SENP1: variants seen among roughly 807,000 people sequenced by gnomAD.
The protein encoded by SENP1 is SUMO specific peptidase 1.
SENP1 carries 21 observed loss-of-function variants against 93.0 expected under a neutral mutation model. The ratio of observed to expected loss-of-function variants is 0.23; its 90% CI spans 0.16 to 0.33. The LOEUF (loss-of-function observed/expected upper bound fraction) is 0.33, where lower values mean the gene tolerates loss of function less well. SENP1 is among the 10% of genes least tolerant of loss of function. The pLI, the probability that SENP1 is intolerant of heterozygous loss-of-function variation, is 1.00. For synonymous variants in SENP1, 256 were observed against 259.6 expected, an observed-to-expected ratio of 0.99 and a Z score of 0.13; for missense variants, 591 against 758.7, an observed-to-expected ratio of 0.78 and a Z score of 2.60.
chr12:48,077,925 G>A (rs886275011), intron 6 of SENP1, among the ~76,000 whole-genome samples: 4 of 151,996 alleles, frequency 2.6e-5, no homozygotes, highest in Admixed American at 1.3e-4. Context: ...AGGGATTTAT[G>A]TGGTCATATG....
chr12:48,071,776 T>C lies in SENP1; in HGVS notation c.941-55A>G. The C allele has an allele frequency of 4.2e-6, 5 of 1,179,206 alleles. No individual in the cohort carries two copies. The South Asian group carries it at 6.9e-5, about 16-fold the overall frequency. 73.0% of individuals were successfully genotyped at this position (1,179,206 alleles called of 1,614,324 possible). A position where few individuals can be genotyped will look rare whatever the true frequency, so the allele number is the denominator to read the frequency against. On this transcript the variant is annotated intron_variant, in intron 8 of 17. Coordinates refer to ENST00000549518, the MANE Select transcript of SENP1 (RefSeq NM_001267594.2). The stretch of plus-strand genomic sequence containing the variant: ...AATAAAACTCCACAAAGTTATACTT[T>C]CTAGATATCTTAGTTTAAGTTCCCA...
chr12:48,083,630 G>C lies in SENP1; in HGVS notation c.513C>G (p.Pro171=), dbSNP rs1465918417. ...SGSCRRSLLS[P]KKTQRRHVST... Reference sequence around the variant, plus strand: ...TAACATGTCGCCTCTGAGTTTTCTTGGGGCTCAAAAGACTTCGACGACATG... The same window carrying C: ...TAACATGTCGCCTCTGAGTTTTCTTCGGGCTCAAAAGACTTCGACGACATG... Residue 171 remains proline, a synonymous_variant, in exon 6 of 18, where the codon CCC becomes CCG. Transcript: ENST00000549518. 1 of 1,613,674 alleles carries C rather than the reference G, an allele frequency of 6.2e-7. No homozygotes were observed. The highest frequency in any genetic ancestry group is 1.1e-5 in the South Asian group (1 of 90,998).
chr12:48,063,517 AC>A, intron 13 of SENP1, 192 bp downstream of exon 13: 1 of 486,728 alleles, frequency 2.1e-6, no homozygotes, highest in Non-Finnish European at 3.6e-6. Flanking sequence ...ACTTTAAAAT[AC>A]ACCTGAGATG....
intron 5 of SENP1, among the ~76,000 whole-genome samples, chr12:48,084,511 C>T (rs553919950): frequency 1.5e-4 from 22 of 142,456 alleles, no homozygotes; most frequent in African/African-American, 5.6e-4. Context: ...GGCAGTGGCA[C>T]GACCTTGGCT....
In SENP1 at chr12:48,095,535, C is replaced by CAAA. The variant is rs3054235; in HGVS notation, c.220+805_220+807dup. On this transcript the variant is annotated intron_variant, in intron 4 of 17. Coordinates refer to ENST00000549518, the MANE Select transcript of SENP1 (RefSeq NM_001267594.2). ...TGGGCAACACAGGGAGACTCTGTGT[C>CAAA]AAAAAAAAAAAAAAAAAAAAAAATT... 2.9e-3 allele frequency among the ~76,000 whole-genome samples: 249 copies of CAAA among 85,746 alleles called. 4 individuals are homozygous for CAAA. Among genetic ancestry groups the CAAA allele is most frequent in the East Asian group, 8.4e-3 (28 of 3,338 alleles). 56.3% of individuals were successfully genotyped at this position (85,746 alleles called of 152,430 possible). A position where few individuals can be genotyped will look rare whatever the true frequency, so the allele number is the denominator to read the frequency against.
chr12:48,076,348 C>T (rs1424876480), intron 6 of SENP1, among the ~76,000 whole-genome samples: 1 of 152,048 alleles, frequency 6.6e-6, no homozygotes, highest in Non-Finnish European at 1.5e-5. Flanking sequence ...CCAGGATAGT[C>T]TCGATCTCCT....
chr12:48,069,152 C>CAAAAAAAAAAAAAAAAA (rs10564674), intron 9 of SENP1, among the ~76,000 whole-genome samples: 3 of 76,338 alleles, frequency 3.9e-5, no homozygotes, highest in Admixed American at 2.1e-4. Flanking sequence ...GACTCTGTCA[C>CAAAAAAAAAAAAAAAAA]AAAAAAAAAA....
At chr12:48,098,253 A>G in intron 2 of SENP1, 129 bp from the exon 3 acceptor site, 1 of 906,290 alleles carries the variant, frequency 1.1e-6, no homozygotes. Flanking sequence ...TAATCCCAGC[A>G]CTCTGAGAGG....
intron 3 of SENP1, chr12:48,097,776 C>A: frequency 2.6e-6 from 1 of 391,244 alleles, no homozygotes; most frequent in Non-Finnish European, 4.6e-6. Flanking sequence ...TTTTCTAAAA[C>A]GTACTGTTCT....
intron 4 of SENP1, among the ~76,000 whole-genome samples, chr12:48,091,842 G>A (rs967514564): frequency 6.6e-6 from 1 of 151,796 alleles, no homozygotes; most frequent in Non-Finnish European, 1.5e-5. Context: ...CCATGTCCAG[G>A]TAATTTATTT....
At chr12:48,059,164 CCAT>C (rs1294821476) in intron 13 of SENP1, among the ~76,000 whole-genome samples, 2 of 152,100 alleles carry the variant, frequency 1.3e-5, no homozygotes, top group African/African-American at 4.8e-5. Flanking sequence ...GGAAAATCTT[CCAT>C]CATTATTTCT....
rs1353529967 is a variant in SENP1, at chr12:48,043,351, A to G, written c.*1971T>C. On this transcript the variant is annotated 3_prime_UTR_variant, in exon 18 of 18. Coordinates refer to ENST00000549518, the MANE Select transcript of SENP1 (RefSeq NM_001267594.2). ...ACCTAAATGGACAAACAATAAATAC[A>G]GAGAACAATCTTGTTCTGAGTCCCC... 3.3e-5 allele frequency: 5 copies of G among 152,688 alleles called. No homozygotes were observed. Among genetic ancestry groups the G allele is most frequent in the Non-Finnish European group, 7.3e-5 (5 of 68,044 alleles). The allele number at this position is 152,688 out of a possible 1,614,324, so 9.5% of individuals were successfully genotyped here.
intron 1 of SENP1, among the ~76,000 whole-genome samples, chr12:48,102,935 A>G (rs1946054141): frequency 6.6e-6 from 1 of 152,316 alleles, no homozygotes; most frequent in African/African-American, 2.4e-5. Flanking sequence ...TGCTTCAAAT[A>G]TATTTCCAAA....
Position 48,084,950 on chromosome 12 carries a change from A to G in SENP1, c.381-1188T>C. ...CCAAATCAGACAAGATCTAAAGAAA[A>G]TCAAACAGTGCATAATTCTCTTTAA... On this transcript the variant is annotated intron_variant, in intron 5 of 17. Transcript: ENST00000549518. 5 of 555,556 alleles carry G rather than the reference A, an allele frequency of 9.0e-6. No individual in the cohort carries two copies. The Middle Eastern group carries it at 1.2e-3, about 130-fold the overall frequency. The allele number at this position is 555,556 out of a possible 1,614,324, so 34.4% of individuals were successfully genotyped here. A position where few individuals can be genotyped will look rare whatever the true frequency, so the allele number is the denominator to read the frequency against.
chr12:48,045,367 G>C lies in SENP1; in HGVS notation c.1890C>G (p.Phe630Leu), dbSNP rs759798911. 5 of 1,613,566 alleles carry C rather than the reference G, an allele frequency of 3.1e-6. No homozygotes were observed. The South Asian group carries it at 5.5e-5, about 18-fold the overall frequency. Reference sequence around the variant, plus strand: ...GGATCTCCCAGACCATCCGCTTCCGGAAGTATGGCATGTGTTGCTGTAGGG... The same window carrying C: ...GGATCTCCCAGACCATCCGCTTCCGCAAGTATGGCATGTGTTGCTGTAGGG... ...INFTQQHMPY[F>L]RKRMVWEILH... The change falls in exon 18 of 18, where the codon TTC (phenylalanine) becomes TTG (leucine). Residue 630 changes from phenylalanine (F) to leucine (L), a missense_variant. Physicochemically the swap from Phe to Leu is conservative, Grantham distance 22. This residue lies in a region of SENP1 where 132 missense variants were observed against 230.1 expected (regional missense o/e 0.57). Transcript: ENST00000549518.
intron 1 of SENP1, among the ~76,000 whole-genome samples, chr12:48,103,876 A>T (rs1946143125): frequency 6.6e-6 from 1 of 152,056 alleles, no homozygotes; most frequent in South Asian, 2.1e-4. Flanking sequence ...CAAAAAGGGG[A>T]TTATGAAAGA....
chr12:48,064,681 G>A (rs1037070759), intron 12 of SENP1, among the ~76,000 whole-genome samples: 1 of 152,032 alleles, frequency 6.6e-6, no homozygotes, highest in Non-Finnish European at 1.5e-5. Context: ...GGCTTTTTGT[G>A]TGTGTGTGTA....
Position 48,046,299 on chromosome 12 carries a change from A to G in SENP1, c.1872+57T>C, listed in dbSNP as rs1413446503. On this transcript the variant is annotated intron_variant, in intron 17 of 17. Coordinates refer to ENST00000549518, the MANE Select transcript of SENP1 (RefSeq NM_001267594.2). ...AGAACAACTGGAGAGAAAAACATCT[A>G]CAGGGCAGCTTGGAGACAAAGTAAT... 21 of 1,190,614 alleles carry G rather than the reference A, an allele frequency of 1.8e-5. No homozygotes were observed. In the East Asian group the frequency reaches 4.7e-4, roughly 26 times the overall value. The allele number at this position is 1,190,614 out of a possible 1,614,324, so 73.8% of individuals were successfully genotyped here.
chr12:48,053,553 A>G (rs952904893), intron 13 of SENP1, among the ~76,000 whole-genome samples: 1 of 152,154 alleles, frequency 6.6e-6, no homozygotes, highest in Non-Finnish European at 1.5e-5. Context: ...CTCTGCAATA[A>G]AAATCGGGTG....
Sources: gnomAD v4.1 joint callset for allele counts (sites outside exome capture counted in the v4.1 genomes callset) on GRCh38, gnomAD v4.1.1 for gene constraint, gnomAD v4.1.1 regional missense constraint, MANE v1.5 for transcripts, NCBI Gene and HGNC (gene_info 2026-07-23, HGNC 2026-07-21) for gene names.